The following PCSK4 variants were observed in gnomAD, a reference collection of about 807,000 sequenced individuals.
PCSK4 encodes testicular tissue protein Li 135.
PCSK4 carries 64 observed loss-of-function variants against 80.3 expected under a neutral mutation model. The observed-to-expected ratio is 0.80, with a 90% CI of 0.65 to 0.98. The LOEUF (loss-of-function observed/expected upper bound fraction) is 0.98. PCSK4 is among the 50% of genes least tolerant of loss of function. The pLI is 0.00. For missense variants in PCSK4, 1,213 were observed against 1,093.6 expected, an observed-to-expected ratio of 1.11 and a Z score of -1.54; for synonymous variants, 561 against 487.6, an observed-to-expected ratio of 1.15 and a Z score of -1.98.
intron 13 of PCSK4, 126 bp from the exon 14 acceptor site, chr19:1,482,601 G>A (rs1395140093): frequency 4.2e-6 from 5 of 1,190,400 alleles, no homozygotes; most frequent in Non-Finnish European, 5.8e-6. Context: ...CATCTCTCAG[G>A]GAATTGCACA....
In PCSK4 at chr19:1,487,658, C is replaced by T. The variant is rs543987421; in HGVS notation, c.627G>A (p.Ala209=). 37 of 1,555,074 alleles carry T rather than the reference C, an allele frequency of 2.4e-5. 1 individual carries two copies. The highest frequency in any genetic ancestry group is 1.1e-4 in the South Asian group (9 of 84,378). ...CACCACAGAAGCCATTGTTGGCCAT[C>T]GCGGCCACCTCCCCAGCACAGCGGG... The change falls in exon 6 of 15, where the codon GCG becomes GCA. Residue 209 remains alanine (A), a synonymous_variant. Coordinates refer to ENST00000300954, the Ensembl canonical transcript of PCSK4.
exon 15 of PCSK4, chr19:1,481,970 G>T (rs745590318): frequency 1.9e-6 from 3 of 1,595,002 alleles, no homozygotes; most frequent in Middle Eastern, 4.0e-4. Flanking sequence ...GGGGGTGGTG[G>T]GTCCCATGCA....
intron 6 of PCSK4, 70 bp from the exon 7 acceptor site, chr19:1,487,383 C>T: frequency 8.1e-7 from 1 of 1,230,960 alleles, no homozygotes; most frequent in Middle Eastern, 2.8e-4. Context: ...CCGCCCCGCG[C>T]CACTCCACAC....
chr19:1,490,729 T>G, upstream of PCSK4: 2 of 227,268 alleles, frequency 8.8e-6, no homozygotes, highest in Non-Finnish European at 1.7e-5. Context: ...AATCATTCTT[T>G]TGCGTAATCC....
intron 2 of PCSK4, among the ~76,000 whole-genome samples, chr19:1,488,766 A>G (rs537014162): frequency 3.9e-4 from 59 of 151,938 alleles, no homozygotes; most frequent in Non-Finnish European, 7.4e-4. Context: ...CATTTAGTAG[A>G]GATGGGGTTT....
chr19:1,488,161 G>T, intron 3 of PCSK4, 27 bp downstream of exon 3: 1 of 1,613,282 alleles, frequency 6.2e-7, no homozygotes, highest in Non-Finnish European at 8.5e-7. Context: ...CCCCGTCCCC[G>T]TCTACCCACC....
rs200421435 is a variant in PCSK4, at chr19:1,487,956, G to A, written c.516+8C>T. On this transcript the variant is annotated splice_region_variant and intron_variant, in intron 4 of 14. Coordinates refer to ENST00000300954, the Ensembl canonical transcript of PCSK4. ...GCAGCCCTCGCCCACAGCCACCCGC[G>A]GTCTCACGTAGTTGGCCCAGAGGTC... is the stretch of plus-strand genomic sequence containing the variant. 1.4e-4 allele frequency: 217 copies of A among 1,604,768 alleles called. No homozygotes were observed. Among genetic ancestry groups the A allele is most frequent in the Middle Eastern group, 5.0e-4 (3 of 6,050 alleles).
At chr19:1,490,686 GAA>G (rs2084901998), upstream of PCSK4, 1 of 306,902 alleles carries the variant, frequency 3.3e-6, no homozygotes, top group South Asian at 9.7e-5. Flanking sequence ...CCTCCTTCGA[GAA>G]TCAGCCCGGC....
exon 12 of PCSK4, chr19:1,483,425 G>C (rs758062321): frequency 1.3e-6 from 2 of 1,599,480 alleles, no homozygotes; most frequent in Admixed American, 1.7e-5. Flanking sequence ...GGCGCAGGCC[G>C]ATACGTTTTC....
chr19:1,482,942 G>T, exon 13 of PCSK4: 3 of 1,459,398 alleles, frequency 2.1e-6, no homozygotes, highest in Non-Finnish European at 1.8e-6. Flanking sequence ...GGGTCCACAC[G>T]CCCTGTGGGT....
At chr19:1,486,785 G>T in intron 8 of PCSK4, 68 bp downstream of exon 8, 2 of 1,322,432 alleles carry the variant, frequency 1.5e-6, no homozygotes, top group East Asian at 4.9e-5. Context: ...CAGTGGTGGG[G>T]ACAGGAGGAG....
At chr19:1,485,158 A>T (rs113014390) in intron 8 of PCSK4, among the ~76,000 whole-genome samples, 2,515 of 151,060 alleles carry the variant, frequency 0.017, 31 homozygotes, top group East Asian at 0.051. Flanking sequence ...AAAAAAATTT[A>T]AAAAAAAAGG....
At position 1,487,096 on chromosome 19, in the gene PCSK4, G is replaced by A. The variant is rs539578369; in HGVS notation, c.856-31C>T. On this transcript the variant is annotated intron_variant, in intron 7 of 14. Coordinates refer to ENST00000300954, the Ensembl canonical transcript of PCSK4. Reference sequence around the variant, plus strand: ...AAACCAGGAGGGGCGGGGAGGGGGCGTCGGCCTGGCCTGCCACCCCTGCCC... The same window carrying A: ...AAACCAGGAGGGGCGGGGAGGGGGCATCGGCCTGGCCTGCCACCCCTGCCC... 556 of 1,602,022 alleles carry A rather than the reference G, an allele frequency of 3.5e-4. 8 individuals carry two copies. The South Asian group carries it at 5.2e-3, about 15-fold the overall frequency.
At chr19:1,483,355 G>A (rs1180164636) in exon 12 of PCSK4, 11 of 1,609,510 alleles carry the variant, frequency 6.8e-6, no homozygotes, top group East Asian at 2.2e-5. Flanking sequence ...CGCGCCGGCT[G>A]TAGGACAGCG....
intron 8 of PCSK4, 26 bp from the exon 9 acceptor site, chr19:1,484,153 G>T (rs1249796032): frequency 3.1e-6 from 4 of 1,307,290 alleles, no homozygotes; most frequent in Non-Finnish European, 2.1e-6. Flanking sequence ...GGTGGGACTC[G>T]GGGGGCCGTG....
At chr19:1,488,084 C>G in exon 4 of PCSK4, 1 of 1,613,072 alleles carries the variant, frequency 6.2e-7, no homozygotes, top group Non-Finnish European at 8.5e-7. Context: ...CTGGTTGGGC[C>G]TCGCTGTTCT....
At chr19:1,486,221 C>A (rs768173496) in intron 8 of PCSK4, among the ~76,000 whole-genome samples, 27 of 151,972 alleles carry the variant, frequency 1.8e-4, no homozygotes, top group Non-Finnish European at 3.8e-4. Context: ...AGGTGATCCA[C>A]CCACCTTGGT....
chr19:1,487,275 C>T (rs759758493), exon 7 of PCSK4: 78 of 1,600,580 alleles, frequency 4.9e-5, no homozygotes, highest in African/African-American at 6.7e-5. Context: ...GACTGGGCCT[C>T]GATGACATCG....
intron 8 of PCSK4, among the ~76,000 whole-genome samples, 191 bp from the exon 9 acceptor site, chr19:1,484,318 A>G (rs1568210894): frequency 6.6e-6 from 1 of 151,274 alleles, no homozygotes; most frequent in Non-Finnish European, 1.5e-5. Flanking sequence ...TGAAACCCCA[A>G]CTCTACAAAA....
Sources: allele counts gnomAD v4.1 joint callset (sites outside exome capture counted in the v4.1 genomes callset), GRCh38; gene constraint gnomAD v4.1.1; transcripts MANE v1.5; gene names NCBI Gene and HGNC (gene_info 2026-07-23, HGNC 2026-07-21).